The following RUFY1 variants were observed in gnomAD, a reference collection of about 807,000 sequenced individuals.
RUFY1 encodes RUN and FYVE domain-containing protein 1.
RUFY1 carries 54 observed loss-of-function variants against 94.6 expected under a neutral mutation model. The ratio of observed to expected loss-of-function variants is 0.57; its 90% CI spans 0.46 to 0.72. RUFY1 has a LOEUF of 0.72. Ranked by LOEUF, RUFY1 falls within the 30% of genes least tolerant of loss-of-function variation. The pLI, the probability that RUFY1 is intolerant of heterozygous loss-of-function variation, is 0.00. For synonymous variants in RUFY1, 396 were observed against 347.3 expected (o/e 1.14, Z -1.56); for missense variants, 883 against 883.9 (o/e 1.00, Z 0.01).
chr5:179,603,092 G>C (rs1766615992), intron 15 of RUFY1, among the ~76,000 whole-genome samples: 1 of 151,904 alleles, frequency 6.6e-6, no homozygotes, highest in African/African-American at 2.4e-5. Flanking sequence ...ACATAGTGAA[G>C]CCCCGTCTCT....
In RUFY1 at chr5:179,609,382, T is replaced by G; in HGVS notation, c.1990T>G (p.Cys664Gly). 6.2e-7 allele frequency: 1 copy of G among 1,613,478 alleles called. No individual in the cohort carries two copies. Among genetic ancestry groups the G allele is most frequent in the Non-Finnish European group, 8.5e-7 (1 of 1,179,928 alleles). Residue 664 changes from cysteine (C) to glycine (G), a missense_variant, in exon 18 of 18, where the codon TGC becomes GGC. Physicochemically the swap from Cys to Gly is radical, Grantham distance 159 (BLOSUM62 -3). Coordinates refer to ENST00000319449, the MANE Select transcript of RUFY1 (RefSeq NM_025158.5). The part of the protein sequence containing the change: ...EFSISRRKHH[C>G]RNCGHIFCNT... Reference sequence around the variant, plus strand: ...CCTTCTTCCCGTCCTGTAGCACCACTGCCGGAACTGTGGCCACATCTTCTG... The same window carrying G: ...CCTTCTTCCCGTCCTGTAGCACCACGGCCGGAACTGTGGCCACATCTTCTG...
chr5:179,577,117 G>A lies in RUFY1; in HGVS notation c.871G>A (p.Asp291Asn), dbSNP rs771398268. 2 of 1,522,542 alleles carry A rather than the reference G, an allele frequency of 1.3e-6. No homozygotes were observed. The highest frequency in any genetic ancestry group is 1.1e-5 in the South Asian group (1 of 89,066). 94.3% of individuals were successfully genotyped at this position (1,522,542 alleles called of 1,614,324 possible). ...DFSLYLKDVQ[D>N]LDGGKEHERI... is the part of the protein sequence containing the mutation. Reference sequence around the variant, plus strand: ...TTCCCTCTACCTTAAGGATGTGCAGGATCTTGATGGTGGCAAGGAGTAAGT... The same window carrying A: ...TTCCCTCTACCTTAAGGATGTGCAGAATCTTGATGGTGGCAAGGAGTAAGT... Residue 291 changes from aspartate to asparagine, a missense_variant, in exon 6 of 18, where the codon GAT becomes AAT. Asp to Asn is a conservative substitution (Grantham distance 23). Coordinates refer to ENST00000319449, the MANE Select transcript of RUFY1 (RefSeq NM_025158.5).
At chr5:179,570,319 A>G (rs961991129) in intron 5 of RUFY1, among the ~76,000 whole-genome samples, 2 of 152,252 alleles carry the variant, frequency 1.3e-5, no homozygotes, top group Non-Finnish European at 2.9e-5. Context: ...GGAAGTGGCC[A>G]AGAATAGATA....
At chr5:179,607,044 C>G (rs13159541) in intron 16 of RUFY1, 12,596 of 159,188 alleles carry the variant, frequency 0.079, 552 homozygotes, top group Middle Eastern at 0.12. Context: ...CAGGGCTGGT[C>G]AAGAATCAGG....
chr5:179,560,248 G>T, intron 2 of RUFY1, 50 bp downstream of exon 2: 1 of 1,587,238 alleles, frequency 6.3e-7, no homozygotes, highest in Non-Finnish European at 8.6e-7. Context: ...CTGGGTGTTT[G>T]CTCAGCATTT....
In RUFY1 at chr5:179,550,584, A is replaced by G; in HGVS notation, c.15A>G (p.Glu5=). MADR[E]GGCAAGRGRE... ...ACACGGCCAAGATGGCCGACCGGGA[A>G]GGCGGCTGCGCTGCTGGGCGGGGGC... Residue 5 remains glutamate, a synonymous_variant, in exon 1 of 18, where the codon GAA becomes GAG. Transcript: ENST00000319449. 8.7e-7 allele frequency: 1 copy of G among 1,143,748 alleles called. No homozygotes were observed. The highest frequency in any genetic ancestry group is 1.1e-6 in the Non-Finnish European group (1 of 937,110). 70.8% of individuals were successfully genotyped at this position (1,143,748 alleles called of 1,614,324 possible).
intron 15 of RUFY1, among the ~76,000 whole-genome samples, chr5:179,604,291 T>A (rs1427546436): frequency 1.3e-5 from 2 of 152,190 alleles, no homozygotes; most frequent in African/African-American, 4.8e-5. Flanking sequence ...ATGACAGAGA[T>A]GGCAAAGCCT....
intron 2 of RUFY1, among the ~76,000 whole-genome samples, chr5:179,561,229 A>AAATT (rs1359720935): frequency 1.2e-4 from 13 of 111,850 alleles, no homozygotes; most frequent in African/African-American, 3.9e-4. Context: ...ATAAATAAAT[A>AAATT]AATTAATTAA....
intron 1 of RUFY1, among the ~76,000 whole-genome samples, chr5:179,553,565 C>A (rs1326020069): frequency 6.6e-6 from 1 of 151,952 alleles, no homozygotes; most frequent in Non-Finnish European, 1.5e-5. Flanking sequence ...AGGCAGATCA[C>A]CTGAGGTCAG....
intron 6 of RUFY1, among the ~76,000 whole-genome samples, chr5:179,579,479 C>G (rs1203265760): frequency 6.6e-6 from 1 of 151,160 alleles, no homozygotes; most frequent in Non-Finnish European, 1.5e-5. Context: ...TACAGGCGCC[C>G]GCCACCTCAC....
chr5:179,590,353 C>CAA lies in RUFY1; in HGVS notation c.1128+716_1128+717dup, dbSNP rs572220764. On this transcript the variant is annotated intron_variant, in intron 9 of 17. Coordinates refer to ENST00000319449, the MANE Select transcript of RUFY1 (RefSeq NM_025158.5). ...TGGGCCATAGAGCAAGACTCCGTCT[C>CAA]AAAAAAAAAAAGAGAGACCATATCT... Among the ~76,000 whole-genome samples the CAA allele has an allele frequency of 1.0e-4, 14 of 137,072 alleles. 1 individual carries two copies. The South Asian group carries it at 3.1e-3, about 30-fold the overall frequency. 89.9% of individuals were successfully genotyped at this position (137,072 alleles called of 152,430 possible). A position where few individuals can be genotyped will look rare whatever the true frequency, so the allele number is the denominator to read the frequency against.
Position 179,581,022 on chromosome 5 carries a change from C to CT in RUFY1, c.956+19dup, listed in dbSNP as rs145796576. On this transcript the variant is annotated intron_variant, in intron 7 of 17. Transcript: ENST00000319449. ...TTAACCGGCACTTGAGGTAAGACTCCTTTTTTTTTCAATGTGACAGTTACA... is the reference window on the plus strand; with the variant it reads ...TTAACCGGCACTTGAGGTAAGACTCCTTTTTTTTTTCAATGTGACAGTTACA... 0.051 allele frequency: 77,661 copies of CT among 1,529,934 alleles called. 1,664 individuals are homozygous for CT. Among genetic ancestry groups the CT allele is most frequent in the Non-Finnish European group, 0.058 (64,208 of 1,115,552 alleles). The allele number at this position is 1,529,934 out of a possible 1,614,324, so 94.8% of individuals were successfully genotyped here.
At position 179,550,696 on chromosome 5, in the gene RUFY1, C is replaced by A; in HGVS notation, c.127C>A (p.Gln43Lys). The A allele has an allele frequency of 6.7e-7, 1 of 1,496,176 alleles. No individual in the cohort carries two copies. Among genetic ancestry groups the A allele is most frequent in the Admixed American group, 2.1e-5 (1 of 48,564 alleles). 92.7% of individuals were successfully genotyped at this position (1,496,176 alleles called of 1,614,324 possible). A position where few individuals can be genotyped will look rare whatever the true frequency, so the allele number is the denominator to read the frequency against. ...GEEFEIVDRS[Q>K]LPGPGDLRSA... Reference sequence around the variant, plus strand: ...AGAGTTTGAGATCGTGGACCGAAGCCAGCTGCCCGGCCCAGGCGACCTGCG... The same window carrying A: ...AGAGTTTGAGATCGTGGACCGAAGCAAGCTGCCCGGCCCAGGCGACCTGCG... Residue 43 changes from glutamine (Q) to lysine (K), a missense_variant, in exon 1 of 18, where the codon CAG (glutamine) becomes AAG (lysine). Transcript: ENST00000319449.
At chr5:179,566,846 A>G (rs187809316) in intron 3 of RUFY1, among the ~76,000 whole-genome samples, 6 of 152,256 alleles carry the variant, frequency 3.9e-5, no homozygotes, top group Admixed American at 1.3e-4. Flanking sequence ...ACTTGAGGCC[A>G]GGAATTTGAG....
At chr5:179,560,616 C>T (rs1327009020) in intron 2 of RUFY1, among the ~76,000 whole-genome samples, 4 of 149,650 alleles carry the variant, frequency 2.7e-5, no homozygotes, top group Non-Finnish European at 4.4e-5. Flanking sequence ...GTCCCAGCTA[C>T]TCGGGAGGCT....
intron 17 of RUFY1, 111 bp downstream of exon 17, chr5:179,607,770 G>C (rs1007855326): frequency 5.1e-5 from 46 of 898,728 alleles, no homozygotes; most frequent in Non-Finnish European, 7.2e-5. Flanking sequence ...CCCGGTGACT[G>C]TGCTGACTGT....
intron 3 of RUFY1, among the ~76,000 whole-genome samples, chr5:179,563,409 C>T (rs879307748): frequency 1.3e-5 from 2 of 152,164 alleles, no homozygotes; most frequent in Non-Finnish European, 2.9e-5. Flanking sequence ...CTGTTAGTGT[C>T]CTCATCTACA....
At chr5:179,562,445 G>T (rs1243243456) in intron 2 of RUFY1, 102 bp from the exon 3 acceptor site, 1 of 721,786 alleles carries the variant, frequency 1.4e-6, no homozygotes, top group East Asian at 2.5e-5. Context: ...GTGAAGTTTA[G>T]CAGCTTTCAC....
intron 8 of RUFY1, among the ~76,000 whole-genome samples, chr5:179,588,409 G>A (rs1477876344): frequency 6.6e-6 from 1 of 152,152 alleles, no homozygotes; most frequent in Non-Finnish European, 1.5e-5. Context: ...GGGTTGGTGT[G>A]TTTACTCATC....
Sources: allele counts gnomAD v4.1 joint callset (sites outside exome capture counted in the v4.1 genomes callset), GRCh38; gene constraint gnomAD v4.1.1; transcripts MANE v1.5; gene names NCBI Gene and HGNC (gene_info 2026-07-23, HGNC 2026-07-21).